SREBF2: variants seen among roughly 807,000 people sequenced by gnomAD.
SREBF2 encodes the protein sterol regulatory element-binding protein 2.
In SREBF2, 55 loss-of-function variants were observed where a neutral mutation model predicts 113.1. The observed-to-expected ratio is 0.49, with a 90% CI of 0.39 to 0.61. The LOEUF is 0.61. Among genes scored for constraint, SREBF2 ranks in the 20% least tolerant of loss-of-function variants. SREBF2 has a pLI of 0.00. For missense variants in SREBF2, 1,349 were observed against 1,487.4 expected, an observed-to-expected ratio of 0.91 and a Z score of 1.53; for synonymous variants, 593 against 605.7, an observed-to-expected ratio of 0.98 and a Z score of 0.31.
Position 41,905,773 on chromosome 22 carries a change from C to G in SREBF2, c.*113C>G. The G allele has an allele frequency of 7.9e-7, 1 of 1,268,508 alleles. No individual in the cohort carries two copies. The highest frequency in any genetic ancestry group is 1.1e-6 in the Non-Finnish European group (1 of 891,358). 78.6% of individuals were successfully genotyped at this position (1,268,508 alleles called of 1,614,324 possible). ...CCTTGTCTTCTTAGCTGTCACCTGC[C>G]GAGGCTTCTGGGCCACTCAGGCCAG... On this transcript the variant is annotated 3_prime_UTR_variant, in exon 19 of 19. Transcript: ENST00000361204.
At chr22:41,899,620 G>A in intron 15 of SREBF2, 1 of 977,796 alleles carries the variant, frequency 1.0e-6, no homozygotes. Flanking sequence ...TTTCATTGAA[G>A]TAGCCCCATT....
intron 1 of SREBF2, among the ~76,000 whole-genome samples, chr22:41,835,182 G>A (rs1488630349): frequency 3.0e-4 from 5 of 16,942 alleles, no homozygotes; most frequent in Admixed American, 9.9e-4. Context: ...TATTTTTTGA[G>A]ACAGGGTCTC....
chr22:41,879,375 G>A (rs1305190671), intron 9 of SREBF2, among the ~76,000 whole-genome samples: 1 of 152,246 alleles, frequency 6.6e-6, no homozygotes, highest in Non-Finnish European at 1.5e-5. Context: ...CCTGTAGAGT[G>A]AGCAGTGATT....
rs2077456393 is a variant in SREBF2, at chr22:41,900,501, G to A, written c.2907+3G>A. The A allele has an allele frequency of 1.2e-6, 2 of 1,612,512 alleles. No individual in the cohort carries two copies. Among genetic ancestry groups the A allele is most frequent in the African/African-American group, 2.7e-5 (2 of 74,896 alleles). On this transcript the variant is annotated splice_donor_region_variant and intron_variant, in intron 16 of 18. Coordinates refer to ENST00000361204, the MANE Select transcript of SREBF2 (RefSeq NM_004599.4). ...CCTCTGACCCTGCCCTCAACCACGT[G>A]AGTGGGAGCTGAGTTGGCCCCTGGG... is the stretch of plus-strand genomic sequence containing the variant.
chr22:41,877,290 T>C lies in SREBF2; in HGVS notation c.1448T>C (p.Leu483Pro). 2 of 1,614,234 alleles carry C rather than the reference T, an allele frequency of 1.2e-6. No individual in the cohort carries two copies. Among genetic ancestry groups the C allele is most frequent in the Non-Finnish European group, 1.7e-6 (2 of 1,180,048 alleles). The part of the protein sequence containing the change: ...ALGMVDRSRI[L>P]LCVLTFLCLS... ...GGCATGGTAGACCGCTCACGGATTC[T>C]TCTGTGTGTCCTCACCTTCCTGTGC... is the stretch of plus-strand genomic sequence containing the variant. Residue 483 changes from leucine (L) to proline (P), a missense_variant, in exon 8 of 19, where the codon CTT (leucine) becomes CCT (proline). By Grantham distance (98) the Leu-to-Pro change is moderately conservative (BLOSUM62 -3). Transcript: ENST00000361204.
chr22:41,883,666 C>T (rs1406136085), intron 10 of SREBF2, among the ~76,000 whole-genome samples: 1 of 152,218 alleles, frequency 6.6e-6, no homozygotes, highest in Non-Finnish European at 1.5e-5. Context: ...TCTCACCTCC[C>T]TTCCTGTGTC....
chr22:41,898,824 G>A, intron 15 of SREBF2, 43 bp downstream of exon 15: 1 of 1,610,302 alleles, frequency 6.2e-7, no homozygotes, highest in Non-Finnish European at 8.5e-7. Context: ...CTCTCCAGGG[G>A]AATCTTGTTT....
At chr22:41,868,582 C>G in intron 2 of SREBF2, 29 bp from the exon 3 acceptor site, 1 of 1,613,174 alleles carries the variant, frequency 6.2e-7, no homozygotes, top group Non-Finnish European at 8.5e-7. Context: ...TTCCTCATCT[C>G]TGTGCCTTCT....
intron 1 of SREBF2, among the ~76,000 whole-genome samples, chr22:41,852,210 C>T (rs1417283075): frequency 6.7e-6 from 1 of 149,664 alleles, no homozygotes; most frequent in African/African-American, 2.4e-5. Flanking sequence ...AGGAAAAAAC[C>T]AGAAAAAAAA....
rs1569388794 is a variant in SREBF2, at chr22:41,867,143, G to A, written c.401G>A (p.Arg134His). The A allele has an allele frequency of 6.8e-6, 11 of 1,613,862 alleles. No homozygotes were observed. The highest frequency in any genetic ancestry group is 9.3e-6 in the Non-Finnish European group (11 of 1,179,976). ...AGGGCAACTCCTATTCTTCAGCCCCGCCCCCAGCCCCAGCCTCAACCTCAA... is the reference window on the plus strand; with the variant it reads ...AGGGCAACTCCTATTCTTCAGCCCCACCCCCAGCCCCAGCCTCAACCTCAA... ...TPRATPILQP[R>H]PQPQPQPQTQ... Residue 134 changes from arginine (R) to histidine (H), a missense_variant, in exon 2 of 19, where the codon CGC becomes CAC. By Grantham distance (29) the Arg-to-His change is conservative. Coordinates refer to ENST00000361204, the MANE Select transcript of SREBF2 (RefSeq NM_004599.4).
intron 1 of SREBF2, among the ~76,000 whole-genome samples, chr22:41,836,146 A>G (rs1453981099): frequency 6.6e-6 from 1 of 152,232 alleles, no homozygotes; most frequent in African/African-American, 2.4e-5. Flanking sequence ...TTCTCAAAAT[A>G]GTTATATACC....
rs1347494513 is a variant in SREBF2 at position 41,893,176 on chromosome 22, C to T, written c.2268C>T (p.Asp756=). ...LCGPEHSAVP[D]SLRWLCHPLG... is the part of the protein sequence containing the mutation. ...GCCCCGAGCACAGTGCTGTTCCTGACTCCCTGCGCTGGCTCTGCCACCCCC... is the reference window on the plus strand; with the variant it reads ...GCCCCGAGCACAGTGCTGTTCCTGATTCCCTGCGCTGGCTCTGCCACCCCC... Residue 756 remains aspartate (D), a synonymous_variant, in exon 12 of 19, where the codon GAC becomes GAT. Coordinates refer to ENST00000361204, the MANE Select transcript of SREBF2 (RefSeq NM_004599.4). 6.2e-7 allele frequency: 1 copy of T among 1,614,188 alleles called. No individual in the cohort carries two copies. Among genetic ancestry groups the T allele is most frequent in the East Asian group, 2.2e-5 (1 of 44,882 alleles).
chr22:41,868,375 C>T (rs1175811779), intron 2 of SREBF2, among the ~76,000 whole-genome samples: 1 of 152,254 alleles, frequency 6.6e-6, no homozygotes, highest in Non-Finnish European at 1.5e-5. Context: ...CCCTTTCCCC[C>T]ACCCTGGCAC....
At chr22:41,890,796 T>C (rs1374541069) in intron 11 of SREBF2, among the ~76,000 whole-genome samples, 1 of 151,632 alleles carries the variant, frequency 6.6e-6, no homozygotes, top group East Asian at 1.9e-4. Flanking sequence ...TAATCCCAGC[T>C]ACTTGGGAGG....
At chr22:41,842,050 T>C (rs1324594890) in intron 1 of SREBF2, among the ~76,000 whole-genome samples, 1 of 152,266 alleles carries the variant, frequency 6.6e-6, no homozygotes, top group African/African-American at 2.4e-5. Context: ...CACTATCAGC[T>C]GTAGCCCTTT....
chr22:41,864,011 A>G (rs1487461984), intron 1 of SREBF2, among the ~76,000 whole-genome samples: 1 of 150,318 alleles, frequency 6.7e-6, no homozygotes, highest in Non-Finnish European at 1.5e-5. Context: ...CAGCCTCCCG[A>G]GTAGCTGGGA....
chr22:41,883,198 G>A (rs2077266214), intron 10 of SREBF2, among the ~76,000 whole-genome samples: 1 of 152,192 alleles, frequency 6.6e-6, no homozygotes, highest in Admixed American at 6.5e-5. Flanking sequence ...CAAGGTCAGA[G>A]AGTTGAGGAG....
intron 17 of SREBF2, 50 bp from the exon 18 acceptor site, chr22:41,904,813 G>A: frequency 1.4e-6 from 2 of 1,431,758 alleles, no homozygotes; most frequent in Non-Finnish European, 1.9e-6. Context: ...CCTGGGCATA[G>A]ATGGGTGGGG....
chr22:41,901,144 C>T, intron 16 of SREBF2: 1 of 363,614 alleles, frequency 2.8e-6, no homozygotes, highest in Non-Finnish European at 5.5e-6. Context: ...GGAGGGCACC[C>T]AGCTGAAAGT....
Sources: gnomAD v4.1 joint callset for allele counts (sites outside exome capture counted in the v4.1 genomes callset) on GRCh38, gnomAD v4.1.1 for gene constraint, MANE v1.5 for transcripts, NCBI Gene and HGNC (gene_info 2026-07-23, HGNC 2026-07-21) for gene names.